Variants in MAML3 observed in about 807,000 individuals in gnomAD.
MAML3 encodes the protein mastermind like transcriptional coactivator 3, also known as mastermind-like protein 3.
In MAML3, 27 loss-of-function variants were observed where a neutral mutation model predicts 101.9. That is an observed-to-expected ratio of 0.27 (90% CI 0.20 to 0.37). The LOEUF (loss-of-function observed/expected upper bound fraction) is 0.37, where lower values mean the gene tolerates loss of function less well. MAML3 is among the 10% of genes least tolerant of loss of function. The pLI, the probability that MAML3 is intolerant of heterozygous loss-of-function variation, is 1.00. For synonymous variants in MAML3, 501 were observed against 555.9 expected (o/e 0.90, Z 1.39); for missense variants, 1,316 against 1,444.9 (o/e 0.91, Z 1.45).
intron 1 of MAML3, among the ~76,000 whole-genome samples, chr4:139,932,576 T>C (rs1158563269): frequency 6.6e-6 from 1 of 152,156 alleles, no homozygotes; most frequent in Non-Finnish European, 1.5e-5. Context: ...CCCTTACAGA[T>C]CATTTATCTC....
chr4:139,883,558 G>A (rs535660662), intron 2 of MAML3, among the ~76,000 whole-genome samples: 3 of 152,092 alleles, frequency 2.0e-5, no homozygotes, highest in African/African-American at 4.8e-5. Context: ...GACTGTGTGT[G>A]GGGGGGTTGT....
intron 1 of MAML3, among the ~76,000 whole-genome samples, chr4:140,131,639 G>A (rs796769146): frequency 7.3e-5 from 11 of 150,908 alleles, no homozygotes; most frequent in African/African-American, 2.7e-4. Flanking sequence ...ACCATTCCTT[G>A]CTCTATTTCA....
intron 1 of MAML3, among the ~76,000 whole-genome samples, chr4:139,909,025 C>G (rs942608651): frequency 6.6e-6 from 1 of 152,182 alleles, no homozygotes; most frequent in African/African-American, 2.4e-5. Flanking sequence ...TGTTTTAAAC[C>G]TGCAAGCTTA....
At chr4:140,130,613 C>T (rs1728775725) in intron 1 of MAML3, among the ~76,000 whole-genome samples, 1 of 152,106 alleles carries the variant, frequency 6.6e-6, no homozygotes, top group African/African-American at 2.4e-5. Context: ...TAAAGTATGC[C>T]TTGGTTTCAC....
rs576974930 is a variant in MAML3, at chr4:140,025,474, T to C, written c.468+127386A>G. Among the ~76,000 whole-genome samples the C allele has an allele frequency of 2.8e-4, 43 of 152,248 alleles. No homozygotes were observed. The South Asian group carries it at 4.1e-3, about 15-fold the overall frequency. On this transcript the variant is annotated intron_variant, in intron 1 of 4. Transcript: ENST00000509479. ...TGATAGAGTATCTTGATAAAGAATA[T>C]GGAAAGATTTCTGTCCTGATGAAAA...
chr4:140,117,732 T>C (rs1728539325), intron 1 of MAML3, among the ~76,000 whole-genome samples: 1 of 151,936 alleles, frequency 6.6e-6, no homozygotes, highest in South Asian at 2.1e-4. Flanking sequence ...TGATCTAATC[T>C]GATGCCACCT....
chr4:139,812,917 T>C (rs1730829072), intron 2 of MAML3, among the ~76,000 whole-genome samples: 1 of 119,858 alleles, frequency 8.3e-6, no homozygotes, highest in South Asian at 2.5e-4. Flanking sequence ...AGAGAGAAAG[T>C]AGAAAATAAA....
chr4:139,955,866 CAT>C (rs542298247), intron 1 of MAML3, among the ~76,000 whole-genome samples: 2 of 152,292 alleles, frequency 1.3e-5, no homozygotes, highest in South Asian at 4.1e-4. Context: ...GGTCACATAA[CAT>C]AGTGGAGCTT....
intron 1 of MAML3, among the ~76,000 whole-genome samples, chr4:140,150,203 G>A (rs1449393272): frequency 6.6e-6 from 1 of 152,154 alleles, no homozygotes; most frequent in African/African-American, 2.4e-5. Context: ...TTGCTAATTT[G>A]CTAAACTGGG....
At chr4:140,041,301 G>A (rs1196362721) in intron 1 of MAML3, among the ~76,000 whole-genome samples, 6 of 152,044 alleles carry the variant, frequency 3.9e-5, no homozygotes, top group African/African-American at 1.4e-4. Flanking sequence ...CCAGAGATAG[G>A]AAGGAAAAGA....
At chr4:139,900,237 A>G (rs9997981) in intron 1 of MAML3, among the ~76,000 whole-genome samples, 130,216 of 152,212 alleles carry the variant, frequency 0.86, 56,036 homozygotes, top group South Asian at 0.92. Flanking sequence ...GAACATGAGC[A>G]CCCATCCAAT....
rs371606330 is a variant in MAML3 at position 139,979,013 on chromosome 4, A to AG, written c.469-88047dup. Among the ~76,000 whole-genome samples the AG allele has an allele frequency of 6.5e-3, 987 of 152,308 alleles. 13 individuals carry two copies. The highest frequency in any genetic ancestry group is 0.023 in the African/African-American group (940 of 41,550). On this transcript the variant is annotated intron_variant, in intron 1 of 4. Transcript: ENST00000509479. ...GAGAAACTGACAGAACAAAGGAACA[A>AG]GCCTGCTTATGTGGTACTAGTAAAA... is the stretch of plus-strand genomic sequence containing the variant.
chr4:139,753,966 G>C (rs1158440003), intron 2 of MAML3, among the ~76,000 whole-genome samples: 1 of 152,186 alleles, frequency 6.6e-6, no homozygotes, highest in East Asian at 1.9e-4. Flanking sequence ...GGAGGGGTAA[G>C]AGTTAATGAA....
chr4:139,838,473 C>T (rs1437448060), intron 2 of MAML3, among the ~76,000 whole-genome samples: 1 of 152,004 alleles, frequency 6.6e-6, no homozygotes, highest in Admixed American at 6.6e-5. Flanking sequence ...TTTTCTTCAC[C>T]CCTGAGCCTC....
At chr4:139,798,415 C>T (rs1342753396) in intron 2 of MAML3, among the ~76,000 whole-genome samples, 1 of 152,196 alleles carries the variant, frequency 6.6e-6, no homozygotes, top group Non-Finnish European at 1.5e-5. Flanking sequence ...TAATCCTAGA[C>T]AGAGCTAAAC....
chr4:139,811,447 G>A (rs74625052), intron 2 of MAML3, among the ~76,000 whole-genome samples: 89 of 152,270 alleles, frequency 5.8e-4, no homozygotes, highest in African/African-American at 2.1e-3. Context: ...GGAATTGGTT[G>A]GTTCTGATCT....
chr4:140,023,296 T>C (rs1290072766), intron 1 of MAML3, among the ~76,000 whole-genome samples: 3 of 152,244 alleles, frequency 2.0e-5, no homozygotes, highest in African/African-American at 4.8e-5. Flanking sequence ...CTAGACGTTC[T>C]GTCCAGTCAT....
At chr4:139,780,623 C>CTTTTTTTT (rs35929438) in intron 2 of MAML3, among the ~76,000 whole-genome samples, 1 of 136,960 alleles carries the variant, frequency 7.3e-6, no homozygotes. Flanking sequence ...TCTTTCTTTT[C>CTTTTTTTT]TTTTTTTTTT....
rs2111071683 is a variant in MAML3 at position 140,152,854 on chromosome 4, C to T, written c.468+6G>A. 1 of 1,609,100 alleles carries T rather than the reference C, an allele frequency of 6.2e-7. No individual in the cohort carries two copies. Among genetic ancestry groups the T allele is most frequent in the Non-Finnish European group, 8.5e-7 (1 of 1,177,916 alleles). On this transcript the variant is annotated splice_donor_region_variant and intron_variant, in intron 1 of 4. Transcript: ENST00000509479. ...CGCCGCAAGCCCGCTGCCCGTGCGC[C>T]CTCACCATGATCAGCGTGTGGTTCC...
Sources: gnomAD v4.1 joint callset for allele counts (sites outside exome capture counted in the v4.1 genomes callset) on GRCh38, gnomAD v4.1.1 for gene constraint, MANE v1.5 for transcripts, NCBI Gene and HGNC (gene_info 2026-07-23, HGNC 2026-07-21) for gene names.